The following CCDC93 variants were observed in gnomAD, a reference collection of about 807,000 sequenced individuals.
CCDC93 encodes the protein coiled-coil domain-containing protein 93.
A neutral mutation model predicts 108.2 loss-of-function variants in CCDC93; 61 were observed. The ratio of observed to expected loss-of-function variants is 0.56; its 90% CI spans 0.46 to 0.70. The LOEUF (loss-of-function observed/expected upper bound fraction) is 0.70, where lower values mean the gene tolerates loss of function less well. CCDC93 is among the 30% of genes least tolerant of loss of function. The pLI is 0.00. For synonymous variants in CCDC93, 276 were observed against 260.4 expected (o/e 1.06, Z -0.58); for missense variants, 685 against 764.2 (o/e 0.90, Z 1.22).
intron 13 of CCDC93, 95 bp from the exon 14 acceptor site, chr2:117,949,490 A>G: frequency 7.7e-6 from 7 of 914,938 alleles, no homozygotes; most frequent in Middle Eastern, 2.7e-4. Flanking sequence ...GACACTTTTT[A>G]AAGAAGAAAC....
At chr2:117,985,539 AC>A (rs1195961516) in intron 7 of CCDC93, 4 of 245,436 alleles carry the variant, frequency 1.6e-5, no homozygotes, top group Non-Finnish European at 1.4e-5. Flanking sequence ...TTTTTTTTAA[AC>A]TAGAGATGTT....
At chr2:117,988,434 C>G (rs1015679875) in intron 6 of CCDC93, among the ~76,000 whole-genome samples, 2 of 152,188 alleles carry the variant, frequency 1.3e-5, no homozygotes, top group Non-Finnish European at 2.9e-5. Context: ...ATGGAGCAGG[C>G]AGTGAAACAG....
chr2:118,001,415 C>T lies in CCDC93; in HGVS notation c.252-483G>A, dbSNP rs114559709. 2.5e-3 allele frequency among the ~76,000 whole-genome samples: 379 copies of T among 151,390 alleles called. 1 individual carries two copies. Among genetic ancestry groups the T allele is most frequent in the Non-Finnish European group, 3.6e-3 (242 of 67,464 alleles). ...TAACATGAAACATGGAGCCCCATTT[C>T]CAAAAGAGATTTGGAGTTCTCTACT... On this transcript the variant is annotated intron_variant, in intron 3 of 23. Transcript: ENST00000376300.
chr2:117,941,475 G>A (rs1434446698), intron 18 of CCDC93, among the ~76,000 whole-genome samples, 178 bp from the exon 19 acceptor site: 3 of 152,026 alleles, frequency 2.0e-5, no homozygotes, highest in African/African-American at 4.8e-5. Context: ...TGACTTTCCC[G>A]CTTTCCTAGG....
intron 4 of CCDC93, chr2:117,998,408 T>C (rs187304608): frequency 6.6e-6 from 1 of 152,342 alleles, no homozygotes; most frequent in African/African-American, 2.4e-5. Context: ...TTTCAAGGAC[T>C]GCTTTTTTTT....
intron 3 of CCDC93, among the ~76,000 whole-genome samples, chr2:118,001,642 C>A (rs1192755708): frequency 6.6e-6 from 1 of 152,196 alleles, no homozygotes; most frequent in Non-Finnish European, 1.5e-5. Context: ...CAAGGTGGGA[C>A]TGAGAAGGGA....
At chr2:117,958,596 C>T (rs995512809) in intron 11 of CCDC93, 115 bp from the exon 12 acceptor site, 29 of 700,898 alleles carry the variant, frequency 4.1e-5, no homozygotes, top group Non-Finnish European at 6.4e-5. Context: ...CACACCAAGC[C>T]AGGGCATTTA....
rs996773164 is a variant in CCDC93 at position 118,006,599 on chromosome 2, T to C, written c.251+123A>G. On this transcript the variant is annotated intron_variant, in intron 3 of 23. Coordinates refer to ENST00000376300, the MANE Select transcript of CCDC93 (RefSeq NM_019044.5). The stretch of plus-strand genomic sequence containing the variant: ...AGTTTCATTTGTAAGGCAGGGATAA[T>C]ACCTCTTGTAATAAAAGTTAAAATA... 6 of 685,750 alleles carry C rather than the reference T, an allele frequency of 8.7e-6. No individual in the cohort carries two copies. In the East Asian group the frequency reaches 1.6e-4, roughly 19 times the overall value. The allele number at this position is 685,750 out of a possible 1,614,324, so 42.5% of individuals were successfully genotyped here. A position where few individuals can be genotyped will look rare whatever the true frequency, so the allele number is the denominator to read the frequency against.
At chr2:118,008,942 A>G (rs1198115233) in intron 1 of CCDC93, 2 of 290,172 alleles carry the variant, frequency 6.9e-6, no homozygotes, top group African/African-American at 4.3e-5. Context: ...GAAGGAATCC[A>G]GGGAAAAGGA....
intron 5 of CCDC93, 86 bp downstream of exon 5, chr2:117,996,178 G>A (rs926095954): frequency 8.3e-6 from 7 of 844,314 alleles, no homozygotes; most frequent in Non-Finnish European, 1.3e-5. Context: ...AGGGGAGCCT[G>A]AGCTTACTCT....
intron 22 of CCDC93, among the ~76,000 whole-genome samples, chr2:117,932,204 C>T (rs1489472479): frequency 1.3e-5 from 2 of 152,168 alleles, no homozygotes; most frequent in Non-Finnish European, 2.9e-5. Flanking sequence ...GTAAGAGTTA[C>T]GGTACAGACC....
intron 6 of CCDC93, 91 bp from the exon 7 acceptor site, chr2:117,986,160 C>CCT: frequency 7.2e-6 from 2 of 276,572 alleles, no homozygotes; most frequent in East Asian, 8.2e-5. Flanking sequence ...GGTATATTCT[C>CCT]TTTTTTTTTT....
Position 117,978,870 on chromosome 2 carries a change from T to C in CCDC93, c.621-840A>G, listed in dbSNP as rs187231726. On this transcript the variant is annotated intron_variant, in intron 7 of 23. Transcript: ENST00000376300. ...TAAAAACACAAAAAGCAGCTGGGCA[T>C]AGTGGCACACGCCTGTAGTCCCAGC... Among the ~76,000 whole-genome samples the C allele has an allele frequency of 1.1e-3, 171 of 152,150 alleles. 3 individuals carry two copies. The highest frequency in any genetic ancestry group is 4.0e-3 in the African/African-American group (164 of 41,504).
intron 8 of CCDC93, among the ~76,000 whole-genome samples, chr2:117,976,549 TAATGTTTATTA>T (rs1679949982): frequency 6.6e-6 from 1 of 152,208 alleles, no homozygotes; most frequent in South Asian, 2.1e-4. Context: ...ATATTAATAA[TAATGTTTATTA>T]AATGTTTACT....
intron 7 of CCDC93, 140 bp from the exon 8 acceptor site, chr2:117,978,170 G>A: frequency 1.4e-6 from 1 of 729,288 alleles, no homozygotes; most frequent in Non-Finnish European, 2.4e-6. Context: ...CGTTACAAGT[G>A]CCTAAATTAC....
chr2:117,954,177 T>C (rs920009167), intron 12 of CCDC93, among the ~76,000 whole-genome samples: 1 of 152,208 alleles, frequency 6.6e-6, no homozygotes, highest in African/African-American at 2.4e-5. Flanking sequence ...TGCACCCACC[T>C]ACTCATCTGA....
At chr2:117,993,172 G>A (rs914406709) in intron 6 of CCDC93, among the ~76,000 whole-genome samples, 8 of 152,036 alleles carry the variant, frequency 5.3e-5, no homozygotes, top group African/African-American at 1.2e-4. Context: ...CGAGGTGGGC[G>A]GACCTCGAGG....
chr2:118,006,862 G>A, intron 2 of CCDC93, 46 bp from the exon 3 acceptor site: 1 of 1,202,880 alleles, frequency 8.3e-7, no homozygotes. Flanking sequence ...TTAGTTTGGG[G>A]AGAATGGAAG....
At chr2:117,998,921 A>T (rs1004624932) in intron 4 of CCDC93, 1 of 152,244 alleles carries the variant, frequency 6.6e-6, no homozygotes, top group Non-Finnish European at 1.5e-5. Context: ...ATAAATTTTA[A>T]GGTAAAGTCT....
Sources: allele counts gnomAD v4.1 joint callset (sites outside exome capture counted in the v4.1 genomes callset), GRCh38; gene constraint gnomAD v4.1.1; transcripts MANE v1.5; gene names NCBI Gene and HGNC (gene_info 2026-07-23, HGNC 2026-07-21).